The following LMBR1 variants were observed in gnomAD, a reference collection of about 807,000 sequenced individuals.
LMBR1 encodes the protein limb region 1 protein homolog.
Under a neutral mutation model 73.9 loss-of-function variants are expected in LMBR1, and 52 were observed. The observed-to-expected ratio is 0.70, with a 90% CI of 0.56 to 0.89. The LOEUF (loss-of-function observed/expected upper bound fraction) is 0.89. LMBR1 is among the 40% of genes least tolerant of loss of function. The pLI, the probability that LMBR1 is intolerant of heterozygous loss-of-function variation, is 0.00. For synonymous variants in LMBR1, 215 were observed against 209.4 expected (o/e 1.03, Z -0.23); for missense variants, 539 against 579.8 (o/e 0.93, Z 0.72).
At chr7:156,878,822 C>G (rs961441297) in intron 1 of LMBR1, among the ~76,000 whole-genome samples, 1 of 152,162 alleles carries the variant, frequency 6.6e-6, no homozygotes, top group African/African-American at 2.4e-5. Context: ...AGGCCGTAGT[C>G]TCCGAAACAG....
chr7:156,704,409 C>T (rs1030745082), intron 15 of LMBR1, among the ~76,000 whole-genome samples: 51 of 152,142 alleles, frequency 3.4e-4, no homozygotes, highest in Non-Finnish European at 7.1e-4. Context: ...AACAGCCCTA[C>T]CTGCCCAAAC....
rs1019295111 is a variant in LMBR1 at position 156,682,737 on chromosome 7, C to T, written c.*1341G>A. 6.6e-6 allele frequency: 1 copy of T among 152,170 alleles called. No homozygotes were observed. Among genetic ancestry groups the T allele is most frequent in the African/African-American group, 2.4e-5 (1 of 41,426 alleles). The allele number at this position is 152,170 out of a possible 1,614,324, so 9.4% of individuals were successfully genotyped here. On this transcript the variant is annotated 3_prime_UTR_variant, in exon 17 of 17. Coordinates refer to ENST00000353442, the MANE Select transcript of LMBR1 (RefSeq NM_022458.4). ...CAGCCTGCGTTTCATAAATTTCTCCCAGAAAACCTTTAAATGTAACAATTT... is the reference window on the plus strand; with the variant it reads ...CAGCCTGCGTTTCATAAATTTCTCCTAGAAAACCTTTAAATGTAACAATTT...
intron 1 of LMBR1, among the ~76,000 whole-genome samples, chr7:156,847,409 G>C (rs146233764): frequency 6.6e-6 from 1 of 152,138 alleles, no homozygotes. Context: ...AGCACCAAAG[G>C]CATGATCCAT....
At chr7:156,840,436 A>G (rs1413000377) in intron 1 of LMBR1, among the ~76,000 whole-genome samples, 1 of 151,826 alleles carries the variant, frequency 6.6e-6, no homozygotes, top group Non-Finnish European at 1.5e-5. Flanking sequence ...AGAGAACAGT[A>G]GTGCCAAGGG....
chr7:156,762,670 T>TA (rs1311529468), intron 7 of LMBR1, among the ~76,000 whole-genome samples: 2 of 152,180 alleles, frequency 1.3e-5, no homozygotes, highest in Non-Finnish European at 1.5e-5. Context: ...AACAAACTTT[T>TA]AAAAAACCAC....
intron 1 of LMBR1, among the ~76,000 whole-genome samples, chr7:156,882,484 G>T (rs561446298): frequency 3.0e-4 from 45 of 152,226 alleles, no homozygotes; most frequent in Middle Eastern, 3.4e-3. Flanking sequence ...GAATCTTGAG[G>T]ACACTAACCT....
chr7:156,821,367 T>C (rs1834770885), intron 4 of LMBR1, among the ~76,000 whole-genome samples: 1 of 152,192 alleles, frequency 6.6e-6, no homozygotes, highest in Non-Finnish European at 1.5e-5. Flanking sequence ...TTCTGCATGA[T>C]ATGCAGGCCC....
At chr7:156,736,459 A>C (rs193284552) in intron 9 of LMBR1, 62 of 454,910 alleles carry the variant, frequency 1.4e-4, no homozygotes, top group African/African-American at 1.1e-3. Flanking sequence ...ATCAAGATGA[A>C]GCATGCACAT....
chr7:156,883,469 T>C (rs1034450391), intron 1 of LMBR1, among the ~76,000 whole-genome samples: 2 of 152,098 alleles, frequency 1.3e-5, no homozygotes, highest in African/African-American at 4.8e-5. Flanking sequence ...ATGTCCCAGT[T>C]TCCTTTAACC....
At chr7:156,777,952 C>T (rs1056776795) in intron 5 of LMBR1, among the ~76,000 whole-genome samples, 3 of 152,168 alleles carry the variant, frequency 2.0e-5, no homozygotes, top group African/African-American at 7.2e-5. Flanking sequence ...AGTCAAACAC[C>T]AAGTGCTTCT....
intron 5 of LMBR1, among the ~76,000 whole-genome samples, chr7:156,785,767 G>C (rs539120064): frequency 1.2e-4 from 18 of 152,206 alleles, no homozygotes; most frequent in African/African-American, 4.3e-4. Flanking sequence ...AGTTAATAAA[G>C]AACTGAACTA....
intron 1 of LMBR1, among the ~76,000 whole-genome samples, chr7:156,879,787 C>A (rs964394071): frequency 4.0e-5 from 6 of 151,774 alleles, no homozygotes; most frequent in African/African-American, 1.5e-4. Context: ...AAAAGCAAAT[C>A]AAAACCACAA....
intron 1 of LMBR1, among the ~76,000 whole-genome samples, chr7:156,847,409 G>T (rs146233764): frequency 2.0e-5 from 3 of 152,256 alleles, no homozygotes; most frequent in East Asian, 3.9e-4. Context: ...AGCACCAAAG[G>T]CATGATCCAT....
At chr7:156,713,499 C>T (rs1000585644) in intron 15 of LMBR1, among the ~76,000 whole-genome samples, 2 of 152,062 alleles carry the variant, frequency 1.3e-5, no homozygotes, top group East Asian at 1.9e-4. Context: ...ACAGGAGGTA[C>T]GTGTGCTATC....
chr7:156,860,531 T>A (rs1797584598), intron 1 of LMBR1, among the ~76,000 whole-genome samples: 1 of 152,140 alleles, frequency 6.6e-6, no homozygotes, highest in Admixed American at 6.5e-5. Flanking sequence ...TCTAATGTCC[T>A]CATATTTCAA....
intron 4 of LMBR1, chr7:156,823,679 T>G (rs1835157331): frequency 6.6e-6 from 1 of 152,136 alleles, no homozygotes; most frequent in South Asian, 2.1e-4. Context: ...CTTAATATAT[T>G]GCTAAATACA....
chr7:156,728,402 CA>C (rs1166782599), intron 11 of LMBR1, among the ~76,000 whole-genome samples: 1 of 152,108 alleles, frequency 6.6e-6, no homozygotes, highest in Non-Finnish European at 1.5e-5. Flanking sequence ...TCAATGAAAA[CA>C]AAGACTGAAT....
At chr7:156,839,808 C>T (rs571193033) in intron 1 of LMBR1, among the ~76,000 whole-genome samples, 31 of 152,308 alleles carry the variant, frequency 2.0e-4, no homozygotes, top group African/African-American at 4.6e-4. Context: ...CTGGAAGCCA[C>T]GTACCTGTTG....
chr7:156,675,698 C>G (rs374206222), downstream of LMBR1: 176 of 1,529,684 alleles, frequency 1.2e-4, no homozygotes, highest in Admixed American at 1.7e-4. Flanking sequence ...CTCCTCAGTT[C>G]ACAGAAATCA....
Sources: allele counts gnomAD v4.1 joint callset (sites outside exome capture counted in the v4.1 genomes callset), GRCh38; gene constraint gnomAD v4.1.1; transcripts MANE v1.5; gene names NCBI Gene and HGNC (gene_info 2026-07-23, HGNC 2026-07-21).